Variants in SFMBT2 observed in about 807,000 individuals in gnomAD.
The protein encoded by SFMBT2 is Scm like with four mbt domains 2, also known as scm-like with four MBT domains protein 2.
In SFMBT2, 38 loss-of-function variants were observed where a neutral mutation model predicts 110.1. The ratio of observed to expected loss-of-function variants is 0.35; its 90% confidence interval spans 0.27 to 0.45. SFMBT2 has a LOEUF of 0.45. SFMBT2 is among the 20% of genes least tolerant of loss of function. The pLI is 1.00. For synonymous variants in SFMBT2, 425 were observed against 425.4 expected (o/e 1.00, Z 0.01); for missense variants, 1,011 against 1,094.9 (o/e 0.92, Z 1.08).
intron 11 of SFMBT2, among the ~76,000 whole-genome samples, chr10:7,219,323 G>A (rs1006548595): frequency 1.3e-5 from 2 of 152,138 alleles, no homozygotes; most frequent in Admixed American, 1.3e-4. Context: ...AACTTTTTGG[G>A]AATTTCCATT....
chr10:7,211,741 T>A (rs1397667373), intron 11 of SFMBT2, among the ~76,000 whole-genome samples: 1 of 152,250 alleles, frequency 6.6e-6, no homozygotes, highest in South Asian at 2.1e-4. Flanking sequence ...CACCCTGGCT[T>A]GAAATGTAAT....
At chr10:7,350,885 A>G (rs1380629279) in intron 4 of SFMBT2, among the ~76,000 whole-genome samples, 2 of 152,176 alleles carry the variant, frequency 1.3e-5, no homozygotes, top group East Asian at 1.9e-4. Context: ...CTGCTTTACT[A>G]TGCAATGGCT....
intron 17 of SFMBT2, among the ~76,000 whole-genome samples, chr10:7,174,696 C>T (rs540377765): frequency 7.9e-5 from 12 of 152,338 alleles, no homozygotes; most frequent in African/African-American, 2.6e-4. Context: ...AAGCATTCAC[C>T]GTACACGGCA....
In SFMBT2 at chr10:7,301,933, A is replaced by G. The variant is rs1842568681; in HGVS notation, c.437-15979T>C. 6.6e-6 allele frequency among the ~76,000 whole-genome samples: 1 copy of G among 151,996 alleles called. No individual in the cohort carries two copies. Among genetic ancestry groups the G allele is most frequent in the Non-Finnish European group, 1.5e-5 (1 of 67,994 alleles). ...ATCCAGCATAGTTATGCAGACTAGA[A>G]CCTCCACTGACCCCAAGGGACAGGG... is the stretch of plus-strand genomic sequence containing the variant. On this transcript the variant is annotated intron_variant, in intron 4 of 20. Transcript: ENST00000397167. The surrounding 1 kb of genome is among the most constrained non-coding windows in gnomAD (Gnocchi z 4.2).
chr10:7,251,403 G>A (rs914271590), intron 7 of SFMBT2, among the ~76,000 whole-genome samples: 1 of 151,408 alleles, frequency 6.6e-6, no homozygotes, highest in African/African-American at 2.4e-5. Context: ...GAGCCTGGGA[G>A]GCAGAGGTTG....
intron 4 of SFMBT2, among the ~76,000 whole-genome samples, chr10:7,305,503 T>C (rs1229332056): frequency 1.3e-5 from 2 of 152,192 alleles, no homozygotes; most frequent in Admixed American, 1.3e-4. Flanking sequence ...GTCTCTGACT[T>C]GCGTAGTATT....
intron 4 of SFMBT2, among the ~76,000 whole-genome samples, chr10:7,356,116 G>A (rs959007831): frequency 1.3e-5 from 2 of 152,150 alleles, no homozygotes; most frequent in Non-Finnish European, 2.9e-5. Flanking sequence ...TAGGTACAGG[G>A]TGCTGGAGAC....
chr10:7,349,440 C>CTTTTTTTTTTTTTTTTTTTTTTTT lies in SFMBT2; in HGVS notation c.436+18185_436+18208dup, dbSNP rs369479041. ...CCCTGACTCTTTTTTCTTTTCTTTT[C>CTTTTTTTTTTTTTTTTTTTTTTTT]TTTTTTTTTTTTTTTTTTTTTTTTT... On this transcript the variant is annotated intron_variant, in intron 4 of 20. Coordinates refer to ENST00000397167, the MANE Select transcript of SFMBT2 (RefSeq NM_001387889.1). Among the ~76,000 whole-genome samples the CTTTTTTTTTTTTTTTTTTTTTTTT allele has an allele frequency of 3.6e-4, 17 of 46,888 alleles. 2 individuals carry two copies. Among genetic ancestry groups the CTTTTTTTTTTTTTTTTTTTTTTTT allele is most frequent in the African/African-American group, 9.1e-4 (10 of 10,986 alleles). 30.8% of individuals were successfully genotyped at this position (46,888 alleles called of 152,430 possible).
intron 7 of SFMBT2, among the ~76,000 whole-genome samples, chr10:7,272,110 A>G (rs116179589): frequency 0.014 from 2,072 of 152,312 alleles, 63 homozygotes; most frequent in African/African-American, 0.047. Flanking sequence ...AAATCTCCCC[A>G]GGCTCAGCAT....
intron 6 of SFMBT2, among the ~76,000 whole-genome samples, chr10:7,281,068 C>T (rs546960018): frequency 1.2e-4 from 19 of 152,178 alleles, no homozygotes; most frequent in Middle Eastern, 3.4e-3. Flanking sequence ...TAGTGAGATC[C>T]CATCTCTACA....
intron 4 of SFMBT2, among the ~76,000 whole-genome samples, chr10:7,326,503 C>G (rs981172968): frequency 1.3e-5 from 2 of 152,196 alleles, no homozygotes; most frequent in Admixed American, 6.5e-5. Context: ...TTAATAGCCT[C>G]GGCTCTGTAT....
chr10:7,331,466 G>A (rs1381880466), intron 4 of SFMBT2, among the ~76,000 whole-genome samples: 3 of 152,128 alleles, frequency 2.0e-5, no homozygotes, highest in Admixed American at 6.5e-5. Flanking sequence ...TGTCAGAGTC[G>A]GAAAGTCATT....
intron 6 of SFMBT2, among the ~76,000 whole-genome samples, chr10:7,282,411 T>G (rs1841971459): frequency 6.6e-6 from 1 of 152,210 alleles, no homozygotes; most frequent in Non-Finnish European, 1.5e-5. Flanking sequence ...CTCCTAAAAT[T>G]TATAAAGCAA....
chr10:7,182,158 C>G (rs2131557363), intron 16 of SFMBT2, among the ~76,000 whole-genome samples: 1 of 152,320 alleles, frequency 6.6e-6, no homozygotes, highest in Middle Eastern at 3.4e-3. Flanking sequence ...CTGCCTCAGC[C>G]TCCAGAGTAG....
intron 1 of SFMBT2, among the ~76,000 whole-genome samples, chr10:7,410,376 G>A (rs962658824): frequency 1.3e-5 from 2 of 152,246 alleles, no homozygotes; most frequent in African/African-American, 4.8e-5. Flanking sequence ...AGAAAGGGGA[G>A]ACCCCAGCGC....
chr10:7,228,744 CTCTCTCT>C (rs1840013639), intron 9 of SFMBT2, among the ~76,000 whole-genome samples: 9 of 72,834 alleles, frequency 1.2e-4, no homozygotes, highest in Admixed American at 2.6e-4. Context: ...TCCTTTCTCT[CTCTCTCT>C]CTCTCTCTCT....
intron 4 of SFMBT2, among the ~76,000 whole-genome samples, chr10:7,341,749 A>G (rs1375786862): frequency 6.6e-6 from 1 of 152,250 alleles, no homozygotes; most frequent in Non-Finnish European, 1.5e-5. Flanking sequence ...CCTTCAAAGC[A>G]ATAGAGTCTG....
intron 11 of SFMBT2, chr10:7,207,616 T>A: frequency 1.0e-6 from 1 of 984,366 alleles, no homozygotes; most frequent in Non-Finnish European, 1.2e-6. Flanking sequence ...TCTCATAACA[T>A]CTGAAGAATT....
At chr10:7,356,226 C>T (rs770159700) in intron 4 of SFMBT2, among the ~76,000 whole-genome samples, 5 of 152,114 alleles carry the variant, frequency 3.3e-5, no homozygotes, top group Non-Finnish European at 7.4e-5. Flanking sequence ...AAAGGCACAC[C>T]CCAGGCTGGA....
Sources: gnomAD v4.1 joint callset for allele counts (sites outside exome capture counted in the v4.1 genomes callset) on GRCh38, gnomAD v4.1.1 for gene constraint, Gnocchi (gnomAD v3.1) non-coding constraint, MANE v1.5 for transcripts, NCBI Gene and HGNC (gene_info 2026-07-23, HGNC 2026-07-21) for gene names.